The following GALK2 variants were observed in gnomAD, a reference collection of about 807,000 sequenced individuals.
The protein encoded by GALK2 is N-acetylgalactosamine kinase.
A neutral mutation model predicts 52.4 loss-of-function variants in GALK2; 36 were observed. The observed-to-expected ratio is 0.69, with a 90% CI of 0.53 to 0.91. The LOEUF (loss-of-function observed/expected upper bound fraction) is 0.91. Ranked by LOEUF, GALK2 falls within the 40% of genes least tolerant of loss-of-function variation. The pLI is 0.00. For synonymous variants in GALK2, 176 were observed against 199.1 expected, an observed-to-expected ratio of 0.88 and a Z score of 0.98; for missense variants, 579 against 559.1, an observed-to-expected ratio of 1.04 and a Z score of -0.36.
At chr15:49,349,534 A>G (rs6493362) in intron 3 of GALK2, among the ~76,000 whole-genome samples, 62,814 of 151,868 alleles carry the variant, frequency 0.41, 13,104 homozygotes, top group African/African-American at 0.43. Context: ...TAAGTTTTAA[A>G]TGTATTTTTA....
chr15:49,302,229 T>C (rs73394361), intron 8 of GALK2, among the ~76,000 whole-genome samples: 1,533 of 152,270 alleles, frequency 0.01, 22 homozygotes, highest in African/African-American at 0.035. Context: ...GGAGGTGATA[T>C]CAGTATTTTG....
intron 1 of GALK2, among the ~76,000 whole-genome samples, chr15:49,171,369 A>G (rs1360695694): frequency 6.6e-6 from 1 of 152,176 alleles, no homozygotes; most frequent in Non-Finnish European, 1.5e-5. Flanking sequence ...GACGTGAGCC[A>G]TCGCGCCCGG....
intron 3 of GALK2, among the ~76,000 whole-genome samples, chr15:49,344,613 T>G (rs2041205908): frequency 6.6e-6 from 1 of 152,214 alleles, no homozygotes; most frequent in Non-Finnish European, 1.5e-5. Flanking sequence ...GCCCTGGTCT[T>G]GCTTAGCTTG....
Position 49,331,807 on chromosome 15 carries a change from C to T in GALK2, c.*3648C>T. ...GTTTATGTAGGAACTTCTCAAAGTC[C>T]TGTTTCACTTCATGAGGTTTCTTGG... On this transcript the variant is annotated 3_prime_UTR_variant, in exon 10 of 10. Transcript: ENST00000560031. 6.2e-7 allele frequency: 1 copy of T among 1,610,914 alleles called. No individual in the cohort carries two copies. The highest frequency in any genetic ancestry group is 2.2e-5 in the East Asian group (1 of 44,824).
At chr15:49,263,022 G>A (rs1230521490) in intron 5 of GALK2, among the ~76,000 whole-genome samples, 2 of 143,548 alleles carry the variant, frequency 1.4e-5, no homozygotes, top group Admixed American at 6.8e-5. Flanking sequence ...GTGTGGTGTG[G>A]TGCTGAAAAA....
intron 1 of GALK2, among the ~76,000 whole-genome samples, chr15:49,194,728 T>TA (rs2087064502): frequency 6.6e-6 from 1 of 151,522 alleles, no homozygotes; most frequent in Non-Finnish European, 1.5e-5. Flanking sequence ...CCCGAGTAGC[T>TA]AGGATTACAA....
At chr15:49,166,149 A>T (rs1409310716), upstream of GALK2, among the ~76,000 whole-genome samples, 1 of 152,124 alleles carries the variant, frequency 6.6e-6, no homozygotes, top group African/African-American at 2.4e-5. Context: ...TCTGAGGACC[A>T]CACTTTGAGT....
rs867954450 is a variant in GALK2, at chr15:49,216,245, G to C, written c.143-945G>C. 7.2e-5 allele frequency among the ~76,000 whole-genome samples: 11 copies of C among 152,178 alleles called. No individual in the cohort carries two copies. In the South Asian group the frequency reaches 1.7e-3, roughly 23 times the overall value. Reference sequence around the variant, plus strand: ...TTATTCAAGGCCCAAGGGATCTTTAGTGAGCAGGTGAATCCTGCCAAGACT... The same window carrying C: ...TTATTCAAGGCCCAAGGGATCTTTACTGAGCAGGTGAATCCTGCCAAGACT... On this transcript the variant is annotated intron_variant, in intron 2 of 9. Coordinates refer to ENST00000560031, the MANE Select transcript of GALK2 (RefSeq NM_002044.4).
chr15:49,331,892 C>CT, downstream of GALK2: 1 of 1,126,054 alleles, frequency 8.9e-7, no homozygotes, highest in South Asian at 1.2e-5. Flanking sequence ...ACTAATTGTC[C>CT]TTATATTGAC....
chr15:49,281,554 A>G (rs2032700954), intron 5 of GALK2, among the ~76,000 whole-genome samples: 1 of 152,186 alleles, frequency 6.6e-6, no homozygotes, highest in South Asian at 2.1e-4. Context: ...TTGGACAGGA[A>G]AATAAAGTTT....
In GALK2 at chr15:49,329,422, C is replaced by T; in HGVS notation, c.*1263C>T. 1 of 984,760 alleles carries T rather than the reference C, an allele frequency of 1.0e-6. No homozygotes were observed. 61.0% of individuals were successfully genotyped at this position (984,760 alleles called of 1,614,324 possible). A position where few individuals can be genotyped will look rare whatever the true frequency, so the allele number is the denominator to read the frequency against. ...TGGCATGAATTATCCAAAAAAATAT[C>T]AGAATTACTTATTATTCTGTGATTT... On this transcript the variant is annotated 3_prime_UTR_variant, in exon 10 of 10. Transcript: ENST00000560031.
intron 8 of GALK2, among the ~76,000 whole-genome samples, chr15:49,313,425 G>C (rs1487685530): frequency 2.6e-5 from 4 of 152,174 alleles, no homozygotes; most frequent in Non-Finnish European, 4.4e-5. Flanking sequence ...CACTCTGCCT[G>C]TTCCCACCTT....
At chr15:49,164,535 C>G (rs1241183915) in intron 1 of GALK2, among the ~76,000 whole-genome samples, 10 of 151,922 alleles carry the variant, frequency 6.6e-5, no homozygotes, top group African/African-American at 2.4e-4. Context: ...AATCGCAGCA[C>G]TTTGGGAGGC....
intron 3 of GALK2, chr15:49,365,878 T>G: frequency 1.0e-6 from 1 of 955,860 alleles, no homozygotes; most frequent in Admixed American, 1.7e-5. Flanking sequence ...TGGCATCTTA[T>G]GAATTAGTGC....
intron 5 of GALK2, among the ~76,000 whole-genome samples, chr15:49,240,643 T>C (rs1422707471): frequency 2.6e-5 from 4 of 152,100 alleles, no homozygotes; most frequent in Non-Finnish European, 5.9e-5. Context: ...CAGATAAGCA[T>C]GTATTGGGTG....
chr15:49,278,752 T>C (rs928514933), intron 5 of GALK2, among the ~76,000 whole-genome samples: 1 of 152,268 alleles, frequency 6.6e-6, no homozygotes, highest in Non-Finnish European at 1.5e-5. Context: ...CTCAGTTTCC[T>C]AATCTGTAAG....
At chr15:49,259,764 G>A (rs1396934907) in intron 5 of GALK2, among the ~76,000 whole-genome samples, 14 of 133,340 alleles carry the variant, frequency 1.0e-4, no homozygotes, top group African/African-American at 4.0e-4. Context: ...AGAGTGTGAT[G>A]TTCCCCTTCC....
chr15:49,332,087 CCACACACACACACACACACA>C (rs377139081), downstream of GALK2, among the ~76,000 whole-genome samples: 1 of 127,854 alleles, frequency 7.8e-6, no homozygotes, highest in Non-Finnish European at 1.8e-5. Context: ...TGCACACGTG[CCACACACACACACACACACA>C]CACACACACA....
intron 5 of GALK2, among the ~76,000 whole-genome samples, chr15:49,273,879 G>T (rs754600745): frequency 6.6e-6 from 1 of 152,136 alleles, no homozygotes; most frequent in Non-Finnish European, 1.5e-5. Context: ...AACAGTCAGG[G>T]TTGTAACAGA....
Sources: gnomAD v4.1 joint callset for allele counts (sites outside exome capture counted in the v4.1 genomes callset) on GRCh38, gnomAD v4.1.1 for gene constraint, MANE v1.5 for transcripts, NCBI Gene and HGNC (gene_info 2026-07-23, HGNC 2026-07-21) for gene names.